KDM7A: variants seen among roughly 807,000 people sequenced by gnomAD.
KDM7A encodes the protein lysine-specific demethylase 7A.
KDM7A carries 28 observed loss-of-function variants against 114.8 expected under a neutral mutation model. That is an observed-to-expected ratio of 0.24 (90% CI 0.18 to 0.33). The LOEUF (loss-of-function observed/expected upper bound fraction) is 0.33, where lower values mean the gene tolerates loss of function less well. KDM7A is among the 10% of genes least tolerant of loss of function. KDM7A has a pLI of 1.00. For synonymous variants in KDM7A, 423 were observed against 397.8 expected, an observed-to-expected ratio of 1.06 and a Z score of -0.75; for missense variants, 942 against 1,142.5, an observed-to-expected ratio of 0.82 and a Z score of 2.53.
chr7:140,099,741 G>GC (rs1651242867), intron 13 of KDM7A, among the ~76,000 whole-genome samples, 158 bp downstream of exon 13: 1 of 152,176 alleles, frequency 6.6e-6, no homozygotes, highest in African/African-American at 2.4e-5. Flanking sequence ...GATATGAGGT[G>GC]CAACAGTTTA....
At chr7:140,144,908 C>T (rs569737795) in intron 1 of KDM7A, among the ~76,000 whole-genome samples, 5 of 152,228 alleles carry the variant, frequency 3.3e-5, no homozygotes, top group South Asian at 2.1e-4. Flanking sequence ...CTCCCTTGTA[C>T]CTCTTCTCAC....
intron 1 of KDM7A, among the ~76,000 whole-genome samples, chr7:140,153,705 CAT>C (rs1794426859): frequency 6.6e-6 from 1 of 152,196 alleles, no homozygotes; most frequent in African/African-American, 2.4e-5. Flanking sequence ...TGCCATTTAG[CAT>C]GCCTTCACTA....
Position 140,100,667 on chromosome 7 carries a change from TATATATATATATAC to T in KDM7A, c.1639-658_1639-645del, listed in dbSNP as rs1287434612. Among the ~76,000 whole-genome samples the T allele has an allele frequency of 3.0e-4, 13 of 43,286 alleles. 1 individual carries two copies. The highest frequency in any genetic ancestry group is 1.7e-4 in the African/African-American group (2 of 11,608). 28.4% of individuals were successfully genotyped at this position (43,286 alleles called of 152,430 possible). ...TTAAAATATTTTAAAAAGTTATATA[TATATATATATATAC>T]ATATATACATATATATATATATATA... On this transcript the variant is annotated intron_variant, in intron 12 of 19. Coordinates refer to ENST00000397560, the MANE Select transcript of KDM7A (RefSeq NM_030647.2).
At chr7:140,094,502 C>T (rs537151312) in intron 17 of KDM7A, among the ~76,000 whole-genome samples, 6 of 150,046 alleles carry the variant, frequency 4.0e-5, no homozygotes, top group Non-Finnish European at 8.9e-5. Context: ...GAGACTCCAT[C>T]TTGGGGGAAA....
At chr7:140,092,184 A>T in intron 18 of KDM7A, 107 bp from the exon 19 acceptor site, 2 of 1,057,968 alleles carry the variant, frequency 1.9e-6, no homozygotes, top group Non-Finnish European at 2.8e-6. Flanking sequence ...AAACTACTGA[A>T]TTCTGATTTT....
chr7:140,150,677 AGAG>A (rs1323815591), intron 1 of KDM7A, among the ~76,000 whole-genome samples: 4 of 152,236 alleles, frequency 2.6e-5, no homozygotes, highest in Admixed American at 2.6e-4. Flanking sequence ...AGAATGGAGA[AGAG>A]GAGAATTGCT....
intron 1 of KDM7A, among the ~76,000 whole-genome samples, chr7:140,175,216 A>G (rs1794689120): frequency 6.6e-6 from 1 of 152,244 alleles, no homozygotes; most frequent in African/African-American, 2.4e-5. Flanking sequence ...CTGATTAAGT[A>G]AAACTGTACT....
intron 11 of KDM7A, among the ~76,000 whole-genome samples, chr7:140,109,545 G>A (rs1818399605): frequency 6.6e-6 from 1 of 152,134 alleles, no homozygotes; most frequent in South Asian, 2.1e-4. Context: ...TATAAACGTA[G>A]GTGTACAAAT....
chr7:140,085,224 C>A lies in KDM7A; in HGVS notation c.*5870G>T, dbSNP rs10984. On this transcript the variant is annotated 3_prime_UTR_variant, in exon 20 of 20. Transcript: ENST00000397560. ...CGAGACGCTATTCCGCAGACACCCC[C>A]AACAAGAAGAACAGTCCCCTCGGAC... 63,089 of 151,982 alleles carry A rather than the reference C, an allele frequency of 0.42. 13,343 individuals carry two copies. Among genetic ancestry groups the A allele is most frequent in the Middle Eastern group, 0.47 (135 of 290 alleles). 9.4% of individuals were successfully genotyped at this position (151,982 alleles called of 1,614,324 possible).
At chr7:140,136,993 T>C (rs1287982680) in intron 2 of KDM7A, among the ~76,000 whole-genome samples, 1 of 119,106 alleles carries the variant, frequency 8.4e-6, no homozygotes. Context: ...TCTCAAAAAA[T>C]AAAAAATAAA....
chr7:140,133,020 CTT>C (rs1041388156), intron 3 of KDM7A, among the ~76,000 whole-genome samples: 2 of 152,160 alleles, frequency 1.3e-5, no homozygotes, highest in African/African-American at 4.8e-5. Flanking sequence ...TTTCCACTCT[CTT>C]TGAGCCAGAC....
Position 140,090,104 on chromosome 7 carries a change from C to T in KDM7A, c.*990G>A, listed in dbSNP as rs893931996. On this transcript the variant is annotated 3_prime_UTR_variant, in exon 20 of 20. Coordinates refer to ENST00000397560, the MANE Select transcript of KDM7A (RefSeq NM_030647.2). ...AAGGCCTGCTGTAGTTACAAATGTA[C>T]TTGGAAAAACTATAAACATGACAAT... The T allele has an allele frequency of 3.3e-5, 5 of 152,154 alleles. No individual in the cohort carries two copies. Among genetic ancestry groups the T allele is most frequent in the Admixed American group, 2.6e-4 (4 of 15,270 alleles). 9.4% of individuals were successfully genotyped at this position (152,154 alleles called of 1,614,324 possible).
intron 1 of KDM7A, among the ~76,000 whole-genome samples, chr7:140,144,705 C>T (rs1410650478): frequency 2.3e-5 from 3 of 133,306 alleles, no homozygotes; most frequent in Non-Finnish European, 4.6e-5. Context: ...TGTCTGTCCC[C>T]ACCATACACA....
intron 1 of KDM7A, among the ~76,000 whole-genome samples, chr7:140,151,418 CA>C (rs1360331288): frequency 6.6e-6 from 1 of 152,118 alleles, no homozygotes; most frequent in Non-Finnish European, 1.5e-5. Context: ...GCAGGAATGC[CA>C]AGAACATCAG....
At chr7:140,140,146 A>C (rs977013835) in intron 1 of KDM7A, among the ~76,000 whole-genome samples, 11 of 152,316 alleles carry the variant, frequency 7.2e-5, no homozygotes, top group African/African-American at 2.6e-4. Flanking sequence ...TGACAGCATA[A>C]CCTTGGTACC....
Position 140,119,902 on chromosome 7 carries a change from G to A in KDM7A, c.1139+540C>T, listed in dbSNP as rs181699416. 4.3e-3 allele frequency among the ~76,000 whole-genome samples: 655 copies of A among 152,286 alleles called. 8 individuals carry two copies. The highest frequency in any genetic ancestry group is 0.014 in the African/African-American group (596 of 41,564). On this transcript the variant is annotated intron_variant, in intron 8 of 19. Transcript: ENST00000397560. The stretch of plus-strand genomic sequence containing the variant: ...TTCTAGTTCTCCCAGTCCTGATGCA[G>A]TTTATCAATCAGGAATCATTTTTAC...
Position 140,115,253 on chromosome 7 carries a change from G to T in KDM7A, c.1247-1671C>A, listed in dbSNP as rs1266952071. ...TGCCCGGCCGCCCCTTCTGGGAAGT[G>T]AGGAGCCCCTCTGCCCAGCCGCCAC... On this transcript the variant is annotated intron_variant, in intron 9 of 19. Coordinates refer to ENST00000397560, the MANE Select transcript of KDM7A (RefSeq NM_030647.2). 2.6e-5 allele frequency among the ~76,000 whole-genome samples: 4 copies of T among 152,284 alleles called. No individual in the cohort carries two copies. The East Asian group carries it at 7.7e-4, about 29-fold the overall frequency.
At chr7:140,128,149 T>C (rs1405705669) in intron 4 of KDM7A, among the ~76,000 whole-genome samples, 1 of 152,108 alleles carries the variant, frequency 6.6e-6, no homozygotes, top group Non-Finnish European at 1.5e-5. Context: ...GAAGCAAAAA[T>C]CAGTTCACAT....
At chr7:140,158,007 T>TA (rs1794478521) in intron 1 of KDM7A, among the ~76,000 whole-genome samples, 2 of 148,226 alleles carry the variant, frequency 1.3e-5, no homozygotes, top group Admixed American at 6.8e-5. Context: ...ATAATAATAA[T>TA]AATAATAATA....
Sources: gnomAD v4.1 joint callset for allele counts (sites outside exome capture counted in the v4.1 genomes callset) on GRCh38, gnomAD v4.1.1 for gene constraint, MANE v1.5 for transcripts, NCBI Gene and HGNC (gene_info 2026-07-23, HGNC 2026-07-21) for gene names.